Variants in PHF6 observed in about 807,000 individuals in gnomAD.
The protein encoded by PHF6 is PHD finger protein 6.
In PHF6, 7 loss-of-function variants were observed where a neutral mutation model predicts 34.0. The ratio of observed to expected loss-of-function variants is 0.21; its 90% CI spans 0.12 to 0.39. The LOEUF (loss-of-function observed/expected upper bound fraction) is 0.39, where lower values mean the gene tolerates loss of function less well. Ranked by LOEUF, PHF6 falls within the 10% of genes least tolerant of loss-of-function variation. The probability of loss-of-function intolerance (pLI) is 1.00; values close to 1 mark genes in which losing one functional copy is unlikely to be tolerated. For missense variants in PHF6, 128 were observed against 262.8 expected (o/e 0.49, Z 3.55); for synonymous variants, 89 against 88.4 (o/e 1.01, Z -0.04).
At chrX:134,394,863 CT>C (rs1403300407) in intron 5 of PHF6, among the ~76,000 whole-genome samples, 172 of 89,754 alleles carry the variant, frequency 1.9e-3, no homozygotes, top group African/African-American at 4.2e-3. Flanking sequence ...TTTTCTTTTT[CT>C]TTTTTTTTTT....
intron 9 of PHF6, among the ~76,000 whole-genome samples, chrX:134,422,619 T>A (rs2077495810): frequency 8.9e-6 from 1 of 112,360 alleles, no homozygotes; most frequent in Admixed American, 9.5e-5. Flanking sequence ...CCTGACTGTA[T>A]TCCTATTCGA....
chrX:134,414,077 T>A, intron 7 of PHF6, 111 bp downstream of exon 7: 1 of 838,906 alleles, frequency 1.2e-6, no homozygotes, highest in Non-Finnish European at 1.8e-6. Flanking sequence ...ATTTAGCTAG[T>A]AACCAAAAAA....
chrX:134,387,275 AT>A (rs1189272736), intron 3 of PHF6, among the ~76,000 whole-genome samples: 3 of 111,650 alleles, frequency 2.7e-5, no homozygotes, highest in Non-Finnish European at 5.6e-5. Context: ...TTAATGCATA[AT>A]TTTTTTATTT....
Position 134,417,106 on chromosome X carries a change from A to G in PHF6, c.835-63A>G, listed in dbSNP as rs1602717686. 8 of 1,149,960 alleles carry G rather than the reference A, an allele frequency of 7.0e-6. No homozygotes were observed. In the East Asian group the frequency reaches 2.4e-4, roughly 34 times the overall value. 94.8% of individuals were successfully genotyped at this position (1,149,960 alleles called of 1,213,427 possible). ...TGATAATTTCAGTGTACTCTTTTTC[A>G]ATAGAAAATAGCTGCTGTTTTCTTG... On this transcript the variant is annotated intron_variant, in intron 8 of 10. Transcript: ENST00000370803.
At chrX:134,379,198 T>G (rs1294661687) in intron 3 of PHF6, among the ~76,000 whole-genome samples, 1 of 110,755 alleles carries the variant, frequency 9.0e-6, no homozygotes, top group East Asian at 2.8e-4. Context: ...ATTAATCGTT[T>G]TACATAAAAA....
intron 5 of PHF6, among the ~76,000 whole-genome samples, chrX:134,395,553 C>G (rs953469257): frequency 9.0e-6 from 1 of 111,642 alleles, no homozygotes; most frequent in African/African-American, 3.2e-5. Context: ...TTGTTCTATC[C>G]CTTCATTTAG....
At position 134,415,216 on chromosome X, in the gene PHF6, A is replaced by G. The variant is rs2077468106; in HGVS notation, c.834+96A>G. 1.3e-5 allele frequency: 16 copies of G among 1,196,140 alleles called. No individual in the cohort carries two copies. The highest frequency in any genetic ancestry group is 1.8e-5 in the Non-Finnish European group (16 of 882,925). On this transcript the variant is annotated intron_variant, in intron 8 of 10. Coordinates refer to ENST00000370803, the MANE Select transcript of PHF6 (RefSeq NM_001015877.2). ...AATTTATCCAGTCATCAGAAAATTT[A>G]AAGTAGTTCGTATGTTAAAGCAAAG...
Position 134,413,658 on chromosome X carries a change from G to GT in PHF6, c.585+2dup. 8.3e-7 allele frequency: 1 copy of GT among 1,209,935 alleles called. No homozygotes were observed. Among genetic ancestry groups the GT allele is most frequent in the Non-Finnish European group, 1.1e-6 (1 of 894,088 alleles). On this transcript the variant is annotated splice_donor_variant, in intron 6 of 10. Transcript: ENST00000370803. LOFTEE classifies it high-confidence loss of function. ...AGATGAAATGGAAAGTAGTTCCTATGTAAGTAAAAAAAACTGTTGGATTCT... is the reference window on the plus strand; with the variant it reads ...AGATGAAATGGAAAGTAGTTCCTATGTTAAGTAAAAAAAACTGTTGGATTCT...
At chrX:134,389,804 T>G (rs2077345769) in intron 3 of PHF6, among the ~76,000 whole-genome samples, 1 of 111,595 alleles carries the variant, frequency 9.0e-6, no homozygotes, top group African/African-American at 3.3e-5. Context: ...ATCAGAATGT[T>G]TAAATATTTT....
chrX:134,379,210 CA>C (rs770695568), intron 3 of PHF6, among the ~76,000 whole-genome samples: 14 of 110,340 alleles, frequency 1.3e-4, no homozygotes, highest in African/African-American at 4.3e-4. Flanking sequence ...ACATAAAAAG[CA>C]ATATGAAGAA....
chrX:134,415,288 T>C (rs2077468814), intron 8 of PHF6, 168 bp downstream of exon 8: 1 of 821,096 alleles, frequency 1.2e-6, no homozygotes, highest in Admixed American at 2.8e-5. Flanking sequence ...CTGATGTTAC[T>C]GAAACTTATT....
At chrX:134,383,174 A>T (rs1465633843) in intron 3 of PHF6, among the ~76,000 whole-genome samples, 1 of 110,370 alleles carries the variant, frequency 9.1e-6, no homozygotes, top group Non-Finnish European at 1.9e-5. Context: ...CAGGAGTTCG[A>T]GGCTGTGGTG....
intron 5 of PHF6, among the ~76,000 whole-genome samples, chrX:134,411,084 C>G (rs2077448879): frequency 9.1e-6 from 1 of 109,426 alleles, no homozygotes; most frequent in Non-Finnish European, 1.9e-5. Flanking sequence ...TCCCGAGTAG[C>G]TGGGATTACA....
Position 134,413,675 on chromosome X carries a change from T to C in PHF6, c.585+18T>C. On this transcript the variant is annotated intron_variant, in intron 6 of 10. Transcript: ENST00000370803. The stretch of plus-strand genomic sequence containing the variant: ...GTTCCTATGTAAGTAAAAAAAACTG[T>C]TGGATTCTTACTTTTGTTGCACCAT... 2.5e-6 allele frequency: 3 copies of C among 1,206,768 alleles called. No homozygotes were observed. Among genetic ancestry groups the C allele is most frequent in the Non-Finnish European group, 3.4e-6 (3 of 890,886 alleles).
At chrX:134,409,691 G>C (rs763983869) in intron 5 of PHF6, among the ~76,000 whole-genome samples, 2 of 107,301 alleles carry the variant, frequency 1.9e-5, no homozygotes, top group South Asian at 8.4e-4. Context: ...GGGGGTGCAC[G>C]TGCAGGTTTG....
chrX:134,391,393 T>A (rs189164643), intron 3 of PHF6, among the ~76,000 whole-genome samples: 1 of 112,275 alleles, frequency 8.9e-6, no homozygotes, highest in East Asian at 2.8e-4. Flanking sequence ...ACTAGGTTTA[T>A]AGAGTAAAAT....
chrX:134,377,832 TAA>T (rs367819775), intron 2 of PHF6, 77 bp downstream of exon 2: 11 of 840,136 alleles, frequency 1.3e-5, no homozygotes, highest in Admixed American at 3.2e-5. Context: ...TCCTGAATAC[TAA>T]AAAAAAAAAC....
intron 2 of PHF6, 121 bp downstream of exon 2, chrX:134,377,876 G>T: frequency 1.0e-6 from 1 of 971,303 alleles, no homozygotes; most frequent in East Asian, 3.1e-5. Flanking sequence ...TAAATTTTAA[G>T]AAATGGTTTA....
chrX:134,393,367 A>G, intron 3 of PHF6, 134 bp from the exon 4 acceptor site: 1 of 649,868 alleles, frequency 1.5e-6, no homozygotes, highest in Non-Finnish European at 2.4e-6. Context: ...AGAGAAAACA[A>G]GAAAAGTAGC....
Sources: gnomAD v4.1 joint callset for allele counts (sites outside exome capture counted in the v4.1 genomes callset) on GRCh38, gnomAD v4.1.1 for gene constraint, MANE v1.5 for transcripts, NCBI Gene and HGNC (gene_info 2026-07-23, HGNC 2026-07-21) for gene names.